Variants in PCDHGA1 observed in about 807,000 individuals in gnomAD.
PCDHGA1 encodes protocadherin gamma subfamily A, 1, also known as protocadherin gamma-A1.
Under a neutral mutation model 58.0 loss-of-function variants are expected in PCDHGA1, and 32 were observed. That is an observed-to-expected ratio of 0.55 (90% CI 0.42 to 0.74). The LOEUF (loss-of-function observed/expected upper bound fraction) is 0.74, where lower values mean the gene tolerates loss of function less well. Among genes scored for constraint, PCDHGA1 ranks in the 30% least tolerant of loss-of-function variants. The pLI is 0.00. For synonymous variants in PCDHGA1, 498 were observed against 501.1 expected, an observed-to-expected ratio of 0.99 and a Z score of 0.08; for missense variants, 1,205 against 1,182.3, an observed-to-expected ratio of 1.02 and a Z score of -0.28.
intron 1 of PCDHGA1, chr5:141,339,638 T>C: frequency 6.2e-7 from 1 of 1,614,222 alleles, no homozygotes; most frequent in Non-Finnish European, 8.5e-7. Flanking sequence ...CCCAGTGCTA[T>C]CTGGCACCTC....
At position 141,400,132 on chromosome 5, in the gene PCDHGA1, C is replaced by T. The variant is rs762060556; in HGVS notation, c.2421+67027C>T. 6.3e-5 allele frequency: 101 copies of T among 1,613,964 alleles called. No individual in the cohort carries two copies. The highest frequency in any genetic ancestry group is 8.4e-5 in the Non-Finnish European group (99 of 1,179,904). On this transcript the variant is annotated intron_variant, in intron 1 of 3. Coordinates refer to ENST00000517417, the MANE Select transcript of PCDHGA1 (RefSeq NM_018912.3). ...TGCTGACAGCTTGCAGGAGGTGCTG[C>T]CGGATATCACTGACCGCCCTGTACC...
chr5:141,405,407 CTTTT>C (rs762612492), intron 1 of PCDHGA1: 1 of 1,581,924 alleles, frequency 6.3e-7, no homozygotes, highest in Non-Finnish European at 8.6e-7. Flanking sequence ...TCTTTCTTTT[CTTTT>C]TTTGTTTTTT....
Position 141,456,055 on chromosome 5 carries a change from G to A in PCDHGA1, c.2422-38752G>A, listed in dbSNP as rs78682041. On this transcript the variant is annotated intron_variant, in intron 1 of 3. Coordinates refer to ENST00000517417, the MANE Select transcript of PCDHGA1 (RefSeq NM_018912.3). Reference sequence around the variant, plus strand: ...TGGGACTACAGGCGCCCACCACCACGTCCGGCTAATTTTTTGTATTTTCAG... The same window carrying A: ...TGGGACTACAGGCGCCCACCACCACATCCGGCTAATTTTTTGTATTTTCAG... Among the ~76,000 whole-genome samples, 302 of 151,836 alleles carry A rather than the reference G, an allele frequency of 2.0e-3. 1 individual carries two copies. The highest frequency in any genetic ancestry group is 0.01 in the Middle Eastern group (3 of 292).
chr5:141,511,115 A>G lies in PCDHGA1; in HGVS notation c.2738A>G (p.Lys913Arg). 6.2e-7 allele frequency: 1 copy of G among 1,614,214 alleles called. No individual in the cohort carries two copies. Among genetic ancestry groups the G allele is most frequent in the Non-Finnish European group, 8.5e-7 (1 of 1,180,006 alleles). ...AACGCAGCTGGCAAGCGGGATGGCA[A>G]GGCCCCAGCAGGTGGCAATGGCAAC... Reference protein sequence around the residue: ...LTNAAGKRDGKAPAGGNGNKK... With the variant: ...LTNAAGKRDGRAPAGGNGNKK... Residue 913 changes from lysine (K) to arginine (R), a missense_variant, in exon 4 of 4, where the codon AAG becomes AGG. Coordinates refer to ENST00000517417, the MANE Select transcript of PCDHGA1 (RefSeq NM_018912.3).
rs773118529 is a variant in PCDHGA1, at chr5:141,332,352, C to T, written c.1668C>T (p.Asn556=). The T allele has an allele frequency of 7.4e-6, 12 of 1,614,064 alleles. No individual in the cohort carries two copies. The highest frequency in any genetic ancestry group is 2.7e-5 in the African/African-American group (2 of 74,936). The part of the protein sequence containing the change: ...VSLSLFLLDQ[N]DNAPEILYPA... ...TCAGCCTATTCCTGCTGGACCAGAA[C>T]GACAACGCGCCCGAGATCCTGTACC... is the stretch of plus-strand genomic sequence containing the variant. The change falls in exon 1 of 4, where the codon AAC becomes AAT. Residue 556 remains asparagine, a synonymous_variant. Coordinates refer to ENST00000517417, the MANE Select transcript of PCDHGA1 (RefSeq NM_018912.3). The surrounding 1 kb of genome is among the most constrained non-coding windows in gnomAD (Gnocchi z 4.6).
intron 1 of PCDHGA1, chr5:141,376,676 G>GGTTTTTTTTT (rs1773026765): frequency 3.6e-6 from 1 of 275,812 alleles, no homozygotes; most frequent in Middle Eastern, 1.2e-3. Context: ...TGAGGGTATC[G>GGTTTTTTTTT]TTTTTTTTTT....
chr5:141,336,359 A>G (rs1254203861), intron 1 of PCDHGA1, among the ~76,000 whole-genome samples: 4 of 152,196 alleles, frequency 2.6e-5, no homozygotes, highest in South Asian at 2.1e-4. Flanking sequence ...CTATAAAACA[A>G]AAAAACACAA....
chr5:141,443,555 C>T (rs1284929219), intron 1 of PCDHGA1, among the ~76,000 whole-genome samples: 1 of 152,130 alleles, frequency 6.6e-6, no homozygotes, highest in East Asian at 1.9e-4. Flanking sequence ...TGTTCCAATT[C>T]AAATGCTTTA....
chr5:141,340,082 G>A (rs763304027), intron 1 of PCDHGA1: 3 of 1,614,018 alleles, frequency 1.9e-6, no homozygotes, highest in Admixed American at 1.7e-5. Context: ...GCTTTTTAAT[G>A]TACATGATAG....
chr5:141,376,165 G>T (rs181247360), intron 1 of PCDHGA1: 1 of 1,614,018 alleles, frequency 6.2e-7, no homozygotes, highest in African/African-American at 1.3e-5. Context: ...TGTACCTGGT[G>T]GTGGCGGTGG....
intron 1 of PCDHGA1, chr5:141,370,260 C>T (rs2149959480): frequency 1.4e-6 from 1 of 735,774 alleles, no homozygotes; most frequent in Non-Finnish European, 2.1e-6. Context: ...TATCAGGCTT[C>T]CTGCAGCGGA....
At position 141,419,393 on chromosome 5, in the gene PCDHGA1, G is replaced by A. The variant is rs1226844501; in HGVS notation, c.2422-75414G>A. On this transcript the variant is annotated intron_variant, in intron 1 of 3. Transcript: ENST00000517417. The stretch of plus-strand genomic sequence containing the variant: ...CTACGTGTCCGTGAGCGCGCAGAGC[G>A]GGGTGGTGTTCGCGCAGCGCGCCTT... 6.2e-7 allele frequency: 1 copy of A among 1,613,502 alleles called. No homozygotes were observed. Among genetic ancestry groups the A allele is most frequent in the Non-Finnish European group, 8.5e-7 (1 of 1,179,920 alleles).
In PCDHGA1 at chr5:141,477,080, A is replaced by G; in HGVS notation, c.2422-17727A>G. 1.9e-6 allele frequency: 3 copies of G among 1,614,254 alleles called. No homozygotes were observed. The highest frequency in any genetic ancestry group is 2.5e-6 in the Non-Finnish European group (3 of 1,180,042). ...GGACACCAAACTCCATGAGATTTAC[A>G]TCCAGGCCAAAGACAAGGGCGCCAA... On this transcript the variant is annotated intron_variant, in intron 1 of 3. Coordinates refer to ENST00000517417, the MANE Select transcript of PCDHGA1 (RefSeq NM_018912.3). The surrounding 1 kb of genome is among the most constrained non-coding windows in gnomAD (Gnocchi z 4.9).
chr5:141,330,753 G>A lies in PCDHGA1; in HGVS notation c.69G>A (p.Leu23=), dbSNP rs1387687483. Residue 23 remains leucine (L), a synonymous_variant, in exon 1 of 4, where the codon CTG becomes CTA. Transcript: ENST00000517417. The stretch of plus-strand genomic sequence containing the variant: ...TTCTGTGTCTTTCTCTGGAGCTGCT[G>A]TTGGAAGCTGGGGCTGGGAATATTC... ...LMLLCLSLEL[L]LEAGAGNIHY... The A allele has an allele frequency of 2.5e-6, 4 of 1,614,146 alleles. No individual in the cohort carries two copies. Among genetic ancestry groups the A allele is most frequent in the Non-Finnish European group, 3.4e-6 (4 of 1,179,972 alleles).
chr5:141,355,388 G>A (rs775462698), intron 1 of PCDHGA1: 41 of 1,613,938 alleles, frequency 2.5e-5, no homozygotes, highest in South Asian at 5.5e-5. Context: ...GCGGAGCGCG[G>A]AGTCCGCATC....
intron 1 of PCDHGA1, chr5:141,388,748 C>T: frequency 6.2e-7 from 1 of 1,613,928 alleles, no homozygotes; most frequent in Non-Finnish European, 8.5e-7. Flanking sequence ...GCCAGATCAC[C>T]CAATTTGACC....
intron 1 of PCDHGA1, among the ~76,000 whole-genome samples, chr5:141,446,453 A>T (rs2098502702): frequency 6.6e-6 from 1 of 151,946 alleles, no homozygotes; most frequent in Non-Finnish European, 1.5e-5. Context: ...GCAGATATTC[A>T]GTGTGTGATT....
intron 1 of PCDHGA1, chr5:141,388,609 T>G: frequency 6.2e-7 from 1 of 1,613,926 alleles, no homozygotes; most frequent in Non-Finnish European, 8.5e-7. Context: ...GCTCCAGTGT[T>G]CAGTCAAGAC....
chr5:141,406,183 C>T (rs1048428263), intron 1 of PCDHGA1, among the ~76,000 whole-genome samples: 5 of 151,756 alleles, frequency 3.3e-5, no homozygotes, highest in Admixed American at 6.6e-5. Flanking sequence ...TGCAATCCTC[C>T]CACCTCAGCC....
Sources: allele counts gnomAD v4.1 joint callset (sites outside exome capture counted in the v4.1 genomes callset), GRCh38; gene constraint gnomAD v4.1.1; non-coding constraint Gnocchi (gnomAD v3.1); transcripts MANE v1.5; gene names NCBI Gene and HGNC (gene_info 2026-07-23, HGNC 2026-07-21).